The following GRIK1 variants were observed in gnomAD, a reference collection of about 807,000 sequenced individuals.
The protein encoded by GRIK1 is glutamate ionotropic receptor kainate type subunit 1.
GRIK1 carries 69 observed loss-of-function variants against 105.7 expected under a neutral mutation model. The observed-to-expected ratio is 0.65, with a 90% CI of 0.54 to 0.80. The LOEUF (loss-of-function observed/expected upper bound fraction) is 0.80. GRIK1 is among the 30% of genes least tolerant of loss of function. The pLI is 0.00. For missense variants in GRIK1, 1,109 were observed against 1,167.3 expected (o/e 0.95, Z 0.73); for synonymous variants, 438 against 431.3 (o/e 1.02, Z -0.19).
intron 1 of GRIK1, among the ~76,000 whole-genome samples, chr21:29,827,318 A>G (rs535485541): frequency 1.3e-5 from 2 of 152,250 alleles, no homozygotes; most frequent in East Asian, 3.9e-4. Flanking sequence ...TTAAAACCTA[A>G]TAGAAGAACA....
intron 2 of GRIK1, 33 bp from the exon 3 acceptor site, chr21:29,690,018 GGAGGGCAGGGAAAGGGGGAGA>G: frequency 6.5e-7 from 1 of 1,532,720 alleles, no homozygotes; most frequent in Non-Finnish European, 9.0e-7. Context: ...GGATGGGGAG[GGAGGGCAGGGAAAGGGGGAGA>G]GAAAAAGAGA....
chr21:29,662,527 C>A (rs1348413032), intron 4 of GRIK1, among the ~76,000 whole-genome samples: 1 of 151,908 alleles, frequency 6.6e-6, no homozygotes, highest in African/African-American at 2.4e-5. Context: ...TATTATCTAC[C>A]CCAGATGATT....
chr21:29,822,520 C>G (rs2067333484), intron 1 of GRIK1, among the ~76,000 whole-genome samples: 1 of 152,082 alleles, frequency 6.6e-6, no homozygotes, highest in South Asian at 2.1e-4. Flanking sequence ...ATAGACGGCC[C>G]CTCATCCACA....
In GRIK1 at chr21:29,772,018, TATG is replaced by T. The variant is rs545753959; in HGVS notation, c.119-77958_119-77956del. Among the ~76,000 whole-genome samples the T allele has an allele frequency of 6.1e-4, 93 of 152,356 alleles. No homozygotes were observed. In the South Asian group the frequency reaches 0.017, roughly 28 times the overall value. On this transcript the variant is annotated intron_variant, in intron 1 of 17. Transcript: ENST00000327783. ...GTTGTTTGAATACCATTCCTGGAGT[TATG>T]ATACCAATCTCATAGTTTATTCGTT...
At chr21:29,845,756 T>C (rs1251326639) in intron 1 of GRIK1, among the ~76,000 whole-genome samples, 2 of 152,188 alleles carry the variant, frequency 1.3e-5, no homozygotes, top group African/African-American at 4.8e-5. Context: ...CCATGTTCCA[T>C]ATTGGATCCT....
chr21:29,539,371 A>G (rs1050215488), intron 16 of GRIK1, among the ~76,000 whole-genome samples: 1 of 152,276 alleles, frequency 6.6e-6, no homozygotes, highest in African/African-American at 2.4e-5. Context: ...AAAATTATCT[A>G]TCCAGCCCAT....
chr21:29,710,641 T>C (rs2064022471), intron 1 of GRIK1, among the ~76,000 whole-genome samples: 1 of 152,184 alleles, frequency 6.6e-6, no homozygotes, highest in Non-Finnish European at 1.5e-5. Context: ...AATGACTATT[T>C]TTAATTATTT....
At chr21:29,586,241 A>G (rs1331044396) in intron 12 of GRIK1, among the ~76,000 whole-genome samples, 1 of 152,236 alleles carries the variant, frequency 6.6e-6, no homozygotes, top group Non-Finnish European at 1.5e-5. Flanking sequence ...GGCCTAGAGA[A>G]CATCAAAACA....
intron 13 of GRIK1, among the ~76,000 whole-genome samples, chr21:29,577,583 A>C (rs2090925198): frequency 6.6e-6 from 1 of 152,190 alleles, no homozygotes; most frequent in African/African-American, 2.4e-5. Flanking sequence ...TGAAATGCTA[A>C]CATTTTTATT....
chr21:29,601,387 T>C (rs958631394), intron 7 of GRIK1, among the ~76,000 whole-genome samples: 2 of 152,226 alleles, frequency 1.3e-5, no homozygotes, highest in East Asian at 1.9e-4. Context: ...AGCCTCCATG[T>C]TGGTGTGCCA....
chr21:29,638,375 C>T (rs936353414), intron 7 of GRIK1, among the ~76,000 whole-genome samples: 3 of 152,046 alleles, frequency 2.0e-5, no homozygotes, highest in Non-Finnish European at 4.4e-5. Flanking sequence ...GGGGGAAACG[C>T]CCCCATGATC....
At chr21:29,881,678 G>A (rs927199716) in intron 1 of GRIK1, among the ~76,000 whole-genome samples, 1 of 152,098 alleles carries the variant, frequency 6.6e-6, no homozygotes, top group South Asian at 2.1e-4. Flanking sequence ...ATATGAACAA[G>A]ATTCTTCAAT....
intron 1 of GRIK1, among the ~76,000 whole-genome samples, chr21:29,718,951 T>A (rs1280790113): frequency 7.3e-6 from 1 of 136,250 alleles, no homozygotes; most frequent in African/African-American, 2.5e-5. Flanking sequence ...TAGTGACATT[T>A]CTATTGCATT....
intron 1 of GRIK1, among the ~76,000 whole-genome samples, chr21:29,917,668 A>T (rs1221350767): frequency 2.0e-5 from 3 of 151,848 alleles, no homozygotes; most frequent in Non-Finnish European, 4.4e-5. Flanking sequence ...ATTTTTTTCT[A>T]ACTTGACCCC....
chr21:29,762,205 T>C (rs145084681), intron 1 of GRIK1, among the ~76,000 whole-genome samples: 1 of 152,346 alleles, frequency 6.6e-6, no homozygotes, highest in Non-Finnish European at 1.5e-5. Flanking sequence ...TTAACAGATA[T>C]TCTGTCTTTG....
intron 12 of GRIK1, among the ~76,000 whole-genome samples, chr21:29,582,944 A>G (rs2091053517): frequency 6.6e-6 from 1 of 152,142 alleles, no homozygotes; most frequent in Non-Finnish European, 1.5e-5. Flanking sequence ...CATTATCTAT[A>G]TGAAAAGCAG....
chr21:29,938,633 G>A (rs1340621383), intron 1 of GRIK1, among the ~76,000 whole-genome samples: 1 of 152,130 alleles, frequency 6.6e-6, no homozygotes, highest in Non-Finnish European at 1.5e-5. Flanking sequence ...CGAGATCAGA[G>A]CCCTGAATCT....
intron 1 of GRIK1, among the ~76,000 whole-genome samples, chr21:29,751,460 C>T (rs1218432178): frequency 6.6e-6 from 1 of 152,054 alleles, no homozygotes; most frequent in Non-Finnish European, 1.5e-5. Flanking sequence ...CCTCTTGGTC[C>T]ACTTTTCCCC....
intron 1 of GRIK1, among the ~76,000 whole-genome samples, chr21:29,789,127 A>G (rs2145812222): frequency 6.6e-6 from 1 of 152,322 alleles, no homozygotes; most frequent in South Asian, 2.1e-4. Flanking sequence ...CAATGATGAA[A>G]GAAATCCCTG....
Sources: allele counts gnomAD v4.1 joint callset (sites outside exome capture counted in the v4.1 genomes callset), GRCh38; gene constraint gnomAD v4.1.1; transcripts MANE v1.5; gene names NCBI Gene and HGNC (gene_info 2026-07-23, HGNC 2026-07-21).